Variants in NTM observed in about 807,000 individuals in gnomAD.
NTM encodes the protein neurotrimin.
Under a neutral mutation model 42.1 loss-of-function variants are expected in NTM, and 13 were observed. The ratio of observed to expected loss-of-function variants is 0.31; its 90% CI spans 0.20 to 0.49. NTM has a LOEUF of 0.49. Ranked by LOEUF, NTM falls within the 20% of genes least tolerant of loss-of-function variation. The pLI is 0.99. For synonymous variants in NTM, 187 were observed against 179.2 expected, an observed-to-expected ratio of 1.04 and a Z score of -0.35; for missense variants, 373 against 452.8, an observed-to-expected ratio of 0.82 and a Z score of 1.60.
intron 1 of NTM, among the ~76,000 whole-genome samples, chr11:131,612,050 A>T (rs753907427): frequency 5.3e-5 from 8 of 152,200 alleles, no homozygotes; most frequent in Admixed American, 2.0e-4. Context: ...CATAGACAGT[A>T]TTATCACATT....
intron 1 of NTM, among the ~76,000 whole-genome samples, chr11:131,854,728 G>T (rs921178743): frequency 5.3e-5 from 8 of 152,134 alleles, no homozygotes; most frequent in African/African-American, 1.9e-4. Context: ...GGTTTTGAAG[G>T]AGAGTGAATA....
intron 1 of NTM, among the ~76,000 whole-genome samples, chr11:131,775,184 A>G (rs1591758298): frequency 6.6e-6 from 1 of 152,368 alleles, no homozygotes; most frequent in East Asian, 1.9e-4. Context: ...AGATAATTTG[A>G]AAATATTCAG....
At chr11:132,141,798 C>T (rs2137258279) in intron 2 of NTM, among the ~76,000 whole-genome samples, 1 of 152,284 alleles carries the variant, frequency 6.6e-6, no homozygotes, top group South Asian at 2.1e-4. Context: ...GGCTTTATTT[C>T]TTTTTGTCTG....
chr11:132,185,037 G>A (rs1015952761), intron 3 of NTM, among the ~76,000 whole-genome samples: 2 of 152,236 alleles, frequency 1.3e-5, no homozygotes, highest in South Asian at 2.1e-4. Flanking sequence ...TCCTTATGAG[G>A]GTATTTGATC....
At chr11:131,800,712 A>G (rs934401360) in intron 1 of NTM, among the ~76,000 whole-genome samples, 2 of 152,046 alleles carry the variant, frequency 1.3e-5, no homozygotes, top group Admixed American at 6.6e-5. Context: ...CCCCCGCTCT[A>G]TGGTTGCAAG....
At chr11:131,652,385 A>G (rs2066609787) in intron 1 of NTM, among the ~76,000 whole-genome samples, 1 of 152,194 alleles carries the variant, frequency 6.6e-6, no homozygotes, top group Non-Finnish European at 1.5e-5. Flanking sequence ...TCCAGTGGCC[A>G]CAAACCAGAA....
intron 1 of NTM, chr11:131,896,978 G>A (rs2052390798): frequency 6.6e-6 from 1 of 152,222 alleles, no homozygotes; most frequent in Non-Finnish European, 1.5e-5. Flanking sequence ...GTGAGCCACC[G>A]CGCCCGGCCT....
intron 1 of NTM, among the ~76,000 whole-genome samples, chr11:131,420,393 C>G (rs1490547419): frequency 6.6e-6 from 1 of 152,176 alleles, no homozygotes; most frequent in African/African-American, 2.4e-5. Context: ...GCAGGTAGAA[C>G]CAGCTCCGCA....
At chr11:131,916,181 T>C (rs1215912440) in intron 2 of NTM, among the ~76,000 whole-genome samples, 3 of 152,212 alleles carry the variant, frequency 2.0e-5, no homozygotes. Flanking sequence ...CACTAGCTCC[T>C]AGCTCCTGGG....
chr11:131,684,552 C>T (rs1213350776), intron 1 of NTM, among the ~76,000 whole-genome samples: 3 of 152,216 alleles, frequency 2.0e-5, no homozygotes, highest in Admixed American at 1.3e-4. Flanking sequence ...CTGACACAGC[C>T]GCTTCCTTTA....
intron 2 of NTM, among the ~76,000 whole-genome samples, chr11:131,912,140 G>T (rs1295511017): frequency 1.3e-5 from 2 of 152,170 alleles, no homozygotes; most frequent in Non-Finnish European, 2.9e-5. Context: ...CTTTGTCCTG[G>T]GCCTGACTGT....
intron 2 of NTM, among the ~76,000 whole-genome samples, chr11:131,927,128 T>G (rs1224245193): frequency 6.6e-6 from 1 of 152,218 alleles, no homozygotes. Context: ...CTCTATTCAG[T>G]AATCAAACCT....
At chr11:131,750,360 C>T (rs565931319) in intron 1 of NTM, among the ~76,000 whole-genome samples, 1 of 152,312 alleles carries the variant, frequency 6.6e-6, no homozygotes, top group Admixed American at 6.5e-5. Flanking sequence ...GTTTTCATTG[C>T]CAGGCAAAGT....
At chr11:131,493,565 G>A (rs1200098018) in intron 1 of NTM, among the ~76,000 whole-genome samples, 2 of 152,160 alleles carry the variant, frequency 1.3e-5, no homozygotes, top group African/African-American at 4.8e-5. Flanking sequence ...CAACAGTGCT[G>A]ATAGCTGCCA....
chr11:132,249,906 A>T (rs1043599608), intron 4 of NTM, among the ~76,000 whole-genome samples: 1 of 152,246 alleles, frequency 6.6e-6, no homozygotes, highest in Non-Finnish European at 1.5e-5. Flanking sequence ...ATATAGCTTA[A>T]TTAACAATCT....
rs1945202510 is a variant in NTM, at chr11:131,401,818, A to ATATATATGTGTG, written c.82+30937_82+30938insGTGTGTATATAT. Among the ~76,000 whole-genome samples the ATATATATGTGTG allele has an allele frequency of 7.0e-5, 3 of 42,990 alleles. 1 individual carries two copies. Among genetic ancestry groups the ATATATATGTGTG allele is most frequent in the African/African-American group, 3.5e-4 (3 of 8,562 alleles). 28.2% of individuals were successfully genotyped at this position (42,990 alleles called of 152,430 possible). On this transcript the variant is annotated intron_variant, in intron 1 of 8. Coordinates refer to ENST00000683400, the MANE Select transcript of NTM (RefSeq NM_001352005.2). The stretch of plus-strand genomic sequence containing the variant: ...ACTGGAAATATATATATATATATAT[A>ATATATATGTGTG]TATATATATATATATATATATATAT...
intron 1 of NTM, among the ~76,000 whole-genome samples, chr11:131,549,248 A>G (rs1468275314): frequency 6.6e-6 from 1 of 152,162 alleles, no homozygotes; most frequent in East Asian, 1.9e-4. Context: ...CACTATTGGG[A>G]AGGGACCTTG....
At chr11:131,527,370 G>C (rs1295960330) in intron 1 of NTM, among the ~76,000 whole-genome samples, 4 of 152,120 alleles carry the variant, frequency 2.6e-5, no homozygotes, top group Non-Finnish European at 5.9e-5. Context: ...CCAACAGCTT[G>C]GTGACATCTA....
chr11:131,544,611 A>G (rs562234864), intron 1 of NTM, among the ~76,000 whole-genome samples: 1 of 152,282 alleles, frequency 6.6e-6, no homozygotes, highest in South Asian at 2.1e-4. Flanking sequence ...GCACTAGGAT[A>G]TCTCATCTTG....
Sources: gnomAD v4.1 joint callset for allele counts (sites outside exome capture counted in the v4.1 genomes callset) on GRCh38, gnomAD v4.1.1 for gene constraint, MANE v1.5 for transcripts, NCBI Gene and HGNC (gene_info 2026-07-23, HGNC 2026-07-21) for gene names.